TMPRSS4: variants seen among roughly 807,000 people sequenced by gnomAD.
TMPRSS4 encodes transmembrane protease serine 4.
TMPRSS4 carries 45 observed loss-of-function variants against 56.4 expected under a neutral mutation model. That is an observed-to-expected ratio of 0.80 (90% CI 0.63 to 1.02). The LOEUF is 1.02. Ranked by LOEUF, TMPRSS4 falls within the 50% of genes least tolerant of loss-of-function variation. TMPRSS4 has a pLI of 0.00. For missense variants in TMPRSS4, 546 were observed against 556.7 expected (o/e 0.98, Z 0.19); for synonymous variants, 205 against 211.0 (o/e 0.97, Z 0.25).
Position 118,120,468 on chromosome 11 carries a change from CT to C in TMPRSS4, c.*2556del, listed in dbSNP as rs1947757829. ...GAGTTACTATTTCTCCATATCCCCC[CT>C]AACACTTGCTATTTTCTGTTAAAAA... On this transcript the variant is annotated 3_prime_UTR_variant, in exon 13 of 13. Transcript: ENST00000437212. 3.3e-5 allele frequency: 5 copies of C among 152,212 alleles called. No homozygotes were observed. The South Asian group carries it at 1.0e-3, about 32-fold the overall frequency. 9.4% of individuals were successfully genotyped at this position (152,212 alleles called of 1,614,324 possible).
intron 5 of TMPRSS4, chr11:118,107,453 T>C (rs1035035570): frequency 4.9e-6 from 1 of 204,334 alleles, no homozygotes; most frequent in African/African-American, 2.3e-5. Flanking sequence ...ATATTTGAAA[T>C]AGGGACAGAG....
intron 3 of TMPRSS4, 83 bp downstream of exon 3, chr11:118,099,181 A>C: frequency 9.0e-7 from 1 of 1,115,602 alleles, no homozygotes; most frequent in Non-Finnish European, 1.3e-6. Flanking sequence ...CCCCTGAATA[A>C]GTGACAGTCC....
chr11:118,092,961 T>A (rs148691481), intron 1 of TMPRSS4, among the ~76,000 whole-genome samples: 69 of 152,284 alleles, frequency 4.5e-4, no homozygotes, highest in African/African-American at 1.6e-3. Context: ...TTGTCCCCAC[T>A]CTACAGAGGG....
intron 12 of TMPRSS4, 100 bp from the exon 13 acceptor site, chr11:118,117,802 G>T (rs1385952810): frequency 6.2e-7 from 1 of 1,610,146 alleles, no homozygotes; most frequent in Non-Finnish European, 8.5e-7. Context: ...AGGGAGAGAA[G>T]CAAAGTGTTT....
In TMPRSS4 at chr11:118,115,172, C is replaced by A. The variant is rs754074074; in HGVS notation, c.1044C>A (p.Val348=). 30 of 1,612,334 alleles carry A rather than the reference C, an allele frequency of 1.9e-5. No homozygotes were observed. Among genetic ancestry groups the A allele is most frequent in the Non-Finnish European group, 2.2e-5 (26 of 1,179,546 alleles). Residue 348 remains valine (V), a synonymous_variant, in exon 11 of 13, where the codon GTC becomes GTA. Coordinates refer to ENST00000437212, the MANE Select transcript of TMPRSS4 (RefSeq NM_019894.4). ...KMSDILLQAS[V]QVIDSTRCNA... is the part of the protein sequence containing the mutation. The stretch of plus-strand genomic sequence containing the variant: ...CTGACATACTGCTGCAGGCGTCAGT[C>A]CAGGTCATTGACAGCACACGGTGCA...
At chr11:118,085,156 T>G (rs1467681888) in intron 1 of TMPRSS4, among the ~76,000 whole-genome samples, 1 of 151,998 alleles carries the variant, frequency 6.6e-6, no homozygotes, top group South Asian at 2.1e-4. Context: ...AGAAGGAAAC[T>G]GGGTCCAGGA....
chr11:118,099,128 C>T, intron 3 of TMPRSS4, 30 bp downstream of exon 3: 1 of 1,585,038 alleles, frequency 6.3e-7, no homozygotes, highest in Non-Finnish European at 8.7e-7. Context: ...CGACTTTCAC[C>T]CTCTAAGTAA....
chr11:118,110,185 C>T (rs570282762), intron 7 of TMPRSS4, among the ~76,000 whole-genome samples: 11 of 152,296 alleles, frequency 7.2e-5, no homozygotes, highest in African/African-American at 2.6e-4. Context: ...TCCCAGCACC[C>T]AGCACTGCCC....
Position 118,113,350 on chromosome 11 carries a change from GATC to G in TMPRSS4, c.834_836del (p.Ile279del). On this transcript the variant is annotated inframe_deletion, in exon 9 of 13. Transcript: ENST00000437212. ...GCTTCCCATCCCTGGCTGTGGCCAA[GATC>G]ATCATCATTGAATTCAACCCCATGT... The G allele has an allele frequency of 6.2e-7, 1 of 1,614,170 alleles. No homozygotes were observed. Among genetic ancestry groups the G allele is most frequent in the Admixed American group, 1.7e-5 (1 of 60,020 alleles).
rs1432783947 is a variant in TMPRSS4, at chr11:118,113,445, A to G, written c.910+10A>G. 6.2e-7 allele frequency: 1 copy of G among 1,613,578 alleles called. No homozygotes were observed. Among genetic ancestry groups the G allele is most frequent in the Non-Finnish European group, 8.5e-7 (1 of 1,179,654 alleles). On this transcript the variant is annotated intron_variant, in intron 9 of 12. Transcript: ENST00000437212. ...CCACTCACTTTCTCAGGTGAGAAGC[A>G]GGGCCCAAGGCCACTCAAGCCTCTT...
chr11:118,100,134 C>A lies in TMPRSS4; in HGVS notation c.157+1036C>A, dbSNP rs544265471. 9.9e-5 allele frequency among the ~76,000 whole-genome samples: 15 copies of A among 152,256 alleles called. No homozygotes were observed. In the South Asian group the frequency reaches 3.1e-3, roughly 32 times the overall value. Reference sequence around the variant, plus strand: ...TGACCTTGAGTAAGTCCTTCACTGCCTCATACCCTCAGTCTCCGCACCTGT... The same window carrying A: ...TGACCTTGAGTAAGTCCTTCACTGCATCATACCCTCAGTCTCCGCACCTGT... On this transcript the variant is annotated intron_variant, in intron 3 of 12. Coordinates refer to ENST00000437212, the MANE Select transcript of TMPRSS4 (RefSeq NM_019894.4).
In TMPRSS4 at chr11:118,117,353, G is replaced by A. The variant is rs1565443275; in HGVS notation, c.1201G>A (p.Val401Met). Residue 401 changes from valine to methionine, a missense_variant, in exon 12 of 13, where the codon GTG becomes ATG. Val to Met is a conservative substitution (Grantham distance 21, BLOSUM62 1). Transcript: ENST00000437212. ...LMYQSDQWHV[V>M]GIVSWGYGCG... ...GTACCAATCTGACCAGTGGCATGTG[G>A]TGGGCATCGTTAGTTGGGGCTATGG... is the stretch of plus-strand genomic sequence containing the variant. 1 of 1,614,146 alleles carries A rather than the reference G, an allele frequency of 6.2e-7. No individual in the cohort carries two copies. Among genetic ancestry groups the A allele is most frequent in the Non-Finnish European group, 8.5e-7 (1 of 1,180,006 alleles).
downstream of TMPRSS4, among the ~76,000 whole-genome samples, chr11:118,123,862 T>C (rs112382791): frequency 0.011 from 1,720 of 152,202 alleles, 37 homozygotes; most frequent in African/African-American, 0.04. Context: ...CAATCAAATG[T>C]AAGGCATGGG....
intron 1 of TMPRSS4, among the ~76,000 whole-genome samples, chr11:118,079,450 C>A (rs912322192): frequency 2.0e-5 from 3 of 152,124 alleles, no homozygotes; most frequent in African/African-American, 7.2e-5. Context: ...GGGACTCAGG[C>A]CCAGGCAGAG....
At chr11:118,104,586 C>A in intron 4 of TMPRSS4, 105 bp from the exon 5 acceptor site, 1 of 1,554,774 alleles carries the variant, frequency 6.4e-7, no homozygotes, top group South Asian at 1.2e-5. Flanking sequence ...TGTGGCACCC[C>A]CAGTTCTAGG....
intron 8 of TMPRSS4, among the ~76,000 whole-genome samples, chr11:118,112,824 CTTTT>C (rs5795113): frequency 1.3e-4 from 17 of 128,470 alleles, no homozygotes; most frequent in African/African-American, 4.9e-4. Context: ...TTTTTAACCA[CTTTT>C]TTTTTTTTTT....
Position 118,118,421 on chromosome 11 carries a change from G to A in TMPRSS4, c.*508G>A, listed in dbSNP as rs1006555403. ...TGTTGTCATTGTTATTACAGCTATGGCCACTATTATTAAAGAGCTGTGTAA... is the reference window on the plus strand; with the variant it reads ...TGTTGTCATTGTTATTACAGCTATGACCACTATTATTAAAGAGCTGTGTAA... On this transcript the variant is annotated 3_prime_UTR_variant, in exon 13 of 13. Transcript: ENST00000437212. 68 of 990,040 alleles carry A rather than the reference G, an allele frequency of 6.9e-5. No individual in the cohort carries two copies. Among genetic ancestry groups the A allele is most frequent in the Non-Finnish European group, 7.9e-5 (66 of 833,332 alleles). 61.3% of individuals were successfully genotyped at this position (990,040 alleles called of 1,614,324 possible). A position where few individuals can be genotyped will look rare whatever the true frequency, so the allele number is the denominator to read the frequency against.
At chr11:118,108,952 G>C in intron 7 of TMPRSS4, 56 bp downstream of exon 7, 1 of 1,584,842 alleles carries the variant, frequency 6.3e-7, no homozygotes, top group Non-Finnish European at 8.6e-7. Context: ...GAGCAGGGAG[G>C]AAGACCTTCA....
intron 6 of TMPRSS4, 105 bp from the exon 7 acceptor site, chr11:118,108,751 G>A (rs565256744): frequency 6.1e-5 from 66 of 1,087,790 alleles, no homozygotes; most frequent in South Asian, 8.2e-5. Context: ...CCACATTCCC[G>A]AGGTATTGGG....
Sources: allele counts gnomAD v4.1 joint callset (sites outside exome capture counted in the v4.1 genomes callset), GRCh38; gene constraint gnomAD v4.1.1; transcripts MANE v1.5; gene names NCBI Gene and HGNC (gene_info 2026-07-23, HGNC 2026-07-21).